Variants in NUP205 observed in about 807,000 individuals in gnomAD.
NUP205 encodes the protein nuclear pore complex protein Nup205.
A neutral mutation model predicts 253.8 loss-of-function variants in NUP205; 76 were observed. That is an observed-to-expected ratio of 0.30 (90% confidence interval 0.25 to 0.36). The LOEUF is 0.36. Among genes scored for constraint, NUP205 ranks in the 10% least tolerant of loss-of-function variants. The pLI, the probability that NUP205 is intolerant of heterozygous loss-of-function variation, is 1.00. For synonymous variants in NUP205, 832 were observed against 850.1 expected, an observed-to-expected ratio of 0.98 and a Z score of 0.37; for missense variants, 2,162 against 2,425.5, an observed-to-expected ratio of 0.89 and a Z score of 2.28.
intron 2 of NUP205, among the ~76,000 whole-genome samples, chr7:135,572,330 C>T (rs905131828): frequency 4.6e-5 from 7 of 152,096 alleles, no homozygotes; most frequent in Admixed American, 3.9e-4. Flanking sequence ...GTTAGTAATA[C>T]ATCTATGCTT....
rs775135469 is a variant in NUP205, at chr7:135,630,321, C to T, written c.4933-23C>T. On this transcript the variant is annotated intron_variant, in intron 34 of 42. Transcript: ENST00000285968. ...TCTACTTCTACCTGTTTTTTCTATT[C>T]CTCTTCCTTTTCAATGGCTTAGGTA... 4.6e-6 allele frequency: 7 copies of T among 1,519,136 alleles called. 1 individual carries two copies. Among genetic ancestry groups the T allele is most frequent in the South Asian group, 2.5e-5 (2 of 79,194 alleles). 94.1% of individuals were successfully genotyped at this position (1,519,136 alleles called of 1,614,324 possible).
chr7:135,646,498 G>T lies in NUP205; in HGVS notation c.5886+267G>T, dbSNP rs544487354. On this transcript the variant is annotated intron_variant, in intron 42 of 42. Transcript: ENST00000285968. ...CACCTGAGCCTGGGAGACTGAGGCT[G>T]CAGTGAGCTGTGATTGCACCACTGC... Among the ~76,000 whole-genome samples, 12 of 152,248 alleles carry T rather than the reference G, an allele frequency of 7.9e-5. 1 individual carries two copies. In the South Asian group the frequency reaches 2.3e-3, roughly 29 times the overall value.
At chr7:135,567,806 G>C (rs1032065533) in intron 1 of NUP205, among the ~76,000 whole-genome samples, 3 of 152,188 alleles carry the variant, frequency 2.0e-5, no homozygotes, top group African/African-American at 7.2e-5. Context: ...AGTTTCATCT[G>C]TTGAGTAATT....
rs557330758 is a variant in NUP205 at position 135,576,151 on chromosome 7, G to A, written c.344-119G>A. 9 of 736,978 alleles carry A rather than the reference G, an allele frequency of 1.2e-5. 1 individual carries two copies. In the South Asian group the frequency reaches 1.7e-4, roughly 14 times the overall value. The allele number at this position is 736,978 out of a possible 1,614,324, so 45.7% of individuals were successfully genotyped here. A position where few individuals can be genotyped will look rare whatever the true frequency, so the allele number is the denominator to read the frequency against. On this transcript the variant is annotated intron_variant, in intron 3 of 42. Transcript: ENST00000285968. ...GATGTTTGTAGTAGAGGACCCCAGGGCCCCTTAAGCCCTGAGCTACTGTGA... is the reference window on the plus strand; with the variant it reads ...GATGTTTGTAGTAGAGGACCCCAGGACCCCTTAAGCCCTGAGCTACTGTGA...
intron 1 of NUP205, among the ~76,000 whole-genome samples, chr7:135,570,755 T>TA (rs1445424328): frequency 2.3e-5 from 2 of 87,820 alleles, no homozygotes; most frequent in African/African-American, 9.0e-5. Flanking sequence ...ATTAATTATA[T>TA]TTATATATTA....
intron 13 of NUP205, among the ~76,000 whole-genome samples, chr7:135,595,120 C>G (rs941183019): frequency 1.3e-5 from 2 of 152,076 alleles, no homozygotes; most frequent in Admixed American, 6.6e-5. Flanking sequence ...TCTTTCCTGC[C>G]CTATACCAGA....
At chr7:135,585,594 C>T (rs1439770125) in intron 8 of NUP205, among the ~76,000 whole-genome samples, 1 of 151,228 alleles carries the variant, frequency 6.6e-6, no homozygotes, top group Non-Finnish European at 1.5e-5. Flanking sequence ...CTCTATTGCG[C>T]CCAGGCTGGA....
chr7:135,619,795 G>A lies in NUP205; in HGVS notation c.4237G>A (p.Gly1413Arg). 6.2e-7 allele frequency: 1 copy of A among 1,610,642 alleles called. No homozygotes were observed. The highest frequency in any genetic ancestry group is 8.5e-7 in the Non-Finnish European group (1 of 1,178,496). ...LLDFILKTGG[G>R]FQRVRTHLYG... ...CATCTTCCTAATCTCCCTAGGTGGT[G>A]GATTCCAACGAGTGAGGACTCACTT... The change falls in exon 30 of 43, where the codon GGA becomes AGA. Residue 1413 changes from glycine to arginine, a missense_variant. This residue lies in a region of NUP205 where 1,144 missense variants were observed against 1,280.9 expected (regional missense o/e 0.89). Coordinates refer to ENST00000285968, the MANE Select transcript of NUP205 (RefSeq NM_015135.3).
At chr7:135,638,104 A>G (rs1206870247) in intron 37 of NUP205, 45 bp downstream of exon 37, 1 of 1,591,556 alleles carries the variant, frequency 6.3e-7, no homozygotes, top group East Asian at 2.2e-5. Context: ...TTTTTGGAAA[A>G]TGTTGATAAA....
chr7:135,572,619 C>T (rs1191417576), intron 2 of NUP205, among the ~76,000 whole-genome samples: 4 of 152,120 alleles, frequency 2.6e-5, no homozygotes, highest in African/African-American at 7.2e-5. Context: ...TGGAGTGCAG[C>T]GGTGCGATCT....
intron 1 of NUP205, 167 bp downstream of exon 1, chr7:135,558,139 G>A (rs1805481842): frequency 1.5e-6 from 1 of 664,852 alleles, no homozygotes; most frequent in Non-Finnish European, 2.8e-6. Flanking sequence ...TGAATGGCGC[G>A]CGTCGGTGCT....
intron 1 of NUP205, among the ~76,000 whole-genome samples, chr7:135,567,374 G>A (rs1805812845): frequency 1.5e-5 from 2 of 137,124 alleles, no homozygotes; most frequent in South Asian, 4.8e-4. Flanking sequence ...GATTGCTTGA[G>A]TCCAGGAGTC....
At chr7:135,623,140 A>C (rs540008095) in intron 31 of NUP205, among the ~76,000 whole-genome samples, 2 of 152,184 alleles carry the variant, frequency 1.3e-5, no homozygotes, top group East Asian at 1.9e-4. Flanking sequence ...TTAGCCAGCC[A>C]TGGTGGCATG....
intron 22 of NUP205, among the ~76,000 whole-genome samples, chr7:135,608,275 C>T (rs1261523842): frequency 1.3e-5 from 2 of 152,044 alleles, no homozygotes; most frequent in South Asian, 4.1e-4. Context: ...CCACCTGCCT[C>T]GGTCTCCCAA....
intron 6 of NUP205, 46 bp from the exon 7 acceptor site, chr7:135,578,705 G>A: frequency 7.1e-7 from 1 of 1,407,388 alleles, no homozygotes; most frequent in East Asian, 2.3e-5. Flanking sequence ...TCAGAAGTGA[G>A]AATTTATCTG....
At chr7:135,616,975 A>G in intron 25 of NUP205, 115 bp from the exon 26 acceptor site, 1 of 751,104 alleles carries the variant, frequency 1.3e-6, no homozygotes, top group Non-Finnish European at 2.1e-6. Context: ...CAGTTTCTTG[A>G]CTATTTTATG....
At chr7:135,581,477 A>G (rs1340110081) in intron 7 of NUP205, among the ~76,000 whole-genome samples, 2 of 141,722 alleles carry the variant, frequency 1.4e-5, no homozygotes, top group Non-Finnish European at 3.2e-5. Context: ...AGCCCAGGAG[A>G]GAGGCTGTAG....
At chr7:135,642,026 G>A (rs1049960714) in intron 38 of NUP205, among the ~76,000 whole-genome samples, 9 of 151,540 alleles carry the variant, frequency 5.9e-5, no homozygotes, top group African/African-American at 2.2e-4. Context: ...AGGCCGAGGC[G>A]GGTGGATCAC....
At chr7:135,647,510 AGTTTGTTT>A (rs932023805) in intron 42 of NUP205, among the ~76,000 whole-genome samples, 1 of 152,132 alleles carries the variant, frequency 6.6e-6, no homozygotes, top group South Asian at 2.1e-4. Context: ...ATTATTCAGA[AGTTTGTTT>A]GTTTGTTTGT....
Sources: gnomAD v4.1 joint callset for allele counts (sites outside exome capture counted in the v4.1 genomes callset) on GRCh38, gnomAD v4.1.1 for gene constraint, gnomAD v4.1.1 regional missense constraint, MANE v1.5 for transcripts, NCBI Gene and HGNC (gene_info 2026-07-23, HGNC 2026-07-21) for gene names.